The following PRR27 variants were observed in gnomAD, a reference collection of about 807,000 sequenced individuals.
PRR27 encodes proline-rich protein 27.
PRR27 carries 12 observed loss-of-function variants against 16.8 expected under a neutral mutation model. The observed-to-expected ratio is 0.71, with a 90% confidence interval of 0.46 to 1.16. PRR27 has a LOEUF of 1.16. Among genes scored for constraint, PRR27 ranks in the 50% most tolerant of loss-of-function variants. The pLI, the probability that PRR27 is intolerant of heterozygous loss-of-function variation, is 0.00. For missense variants in PRR27, 277 were observed against 273.3 expected (o/e 1.01, Z -0.10); for synonymous variants, 100 against 98.4 (o/e 1.02, Z -0.10).
intron 4 of PRR27, among the ~76,000 whole-genome samples, chr4:70,162,310 G>A (rs1262459656): frequency 6.6e-6 from 1 of 152,192 alleles, no homozygotes; most frequent in African/African-American, 2.4e-5. Flanking sequence ...AGCTAAAGTA[G>A]AATTGAAAAG....
At chr4:70,156,749 C>A (rs146734618) in intron 2 of PRR27, among the ~76,000 whole-genome samples, 7 of 152,194 alleles carry the variant, frequency 4.6e-5, no homozygotes, top group Admixed American at 1.3e-4. Context: ...GCAAAGAAAG[C>A]TCAAGAGACA....
At chr4:70,154,970 C>G (rs1728442516) in intron 1 of PRR27, among the ~76,000 whole-genome samples, 1 of 152,038 alleles carries the variant, frequency 6.6e-6, no homozygotes, top group African/African-American at 2.4e-5. Flanking sequence ...AGTGACTATG[C>G]TAAATATTAT....
chr4:70,154,854 A>C lies in PRR27; in HGVS notation c.51+428A>C, dbSNP rs902476054. On this transcript the variant is annotated intron_variant, in intron 1 of 4. Transcript: ENST00000344526. Reference sequence around the variant, plus strand: ...AGAAGTAAATGCACATCATACCTTTAGTGGACTGTAACGTAATATAGTGTA... The same window carrying C: ...AGAAGTAAATGCACATCATACCTTTCGTGGACTGTAACGTAATATAGTGTA... The C allele has an allele frequency of 6.3e-6, 6 of 945,346 alleles. No homozygotes were observed. The African/African-American group carries it at 1.0e-4, about 16-fold the overall frequency. 58.6% of individuals were successfully genotyped at this position (945,346 alleles called of 1,614,324 possible).
rs1728729100 is a variant in PRR27 at position 70,164,758 on chromosome 4, T to C, written c.*2097T>C. 6.6e-6 allele frequency: 1 copy of C among 152,000 alleles called. No individual in the cohort carries two copies. Among genetic ancestry groups the C allele is most frequent in the Admixed American group, 6.6e-5 (1 of 15,258 alleles). 9.4% of individuals were successfully genotyped at this position (152,000 alleles called of 1,614,324 possible). Reference sequence around the variant, plus strand: ...ACAGAAAGATGAAGATGAACCGAAATAGAAATATCAAGAGGCTACAAAGTC... The same window carrying C: ...ACAGAAAGATGAAGATGAACCGAAACAGAAATATCAAGAGGCTACAAAGTC... On this transcript the variant is annotated 3_prime_UTR_variant, in exon 5 of 5. Coordinates refer to ENST00000344526, the MANE Select transcript of PRR27 (RefSeq NM_214711.4).
In PRR27 at chr4:70,160,443, C is replaced by CTCTCTGTGTGTG. The variant is rs1298386504; in HGVS notation, c.649-1142_649-1141insCTCTGTGTGTGT. Among the ~76,000 whole-genome samples, 270 of 68,690 alleles carry CTCTCTGTGTGTG rather than the reference C, an allele frequency of 3.9e-3. 1 individual carries two copies. The highest frequency in any genetic ancestry group is 0.02 in the East Asian group (36 of 1,802). 45.1% of individuals were successfully genotyped at this position (68,690 alleles called of 152,430 possible). A position where few individuals can be genotyped will look rare whatever the true frequency, so the allele number is the denominator to read the frequency against. ...TCTCTCTCTCTCTCTCTCTCTCTCTCTGTGTGTGTGTGTGTGTGTGTGTGT... is the reference window on the plus strand; with the variant it reads ...TCTCTCTCTCTCTCTCTCTCTCTCTCTCTCTGTGTGTGTGTGTGTGTGTGTGTGTGTGTGTGT... On this transcript the variant is annotated intron_variant, in intron 3 of 4. Coordinates refer to ENST00000344526, the MANE Select transcript of PRR27 (RefSeq NM_214711.4).
At chr4:70,155,450 C>T (rs1435951468) in intron 1 of PRR27, among the ~76,000 whole-genome samples, 1 of 151,760 alleles carries the variant, frequency 6.6e-6, no homozygotes, top group African/African-American at 2.4e-5. Flanking sequence ...CTGCAAGCTC[C>T]GCCTCTCGGG....
At chr4:70,155,520 C>T (rs1415441604) in intron 1 of PRR27, among the ~76,000 whole-genome samples, 1 of 152,114 alleles carries the variant, frequency 6.6e-6, no homozygotes, top group Admixed American at 6.5e-5. Context: ...AGGCGCCCGC[C>T]ACCACGCCCG....
rs1430948137 is a variant in PRR27 at position 70,164,971 on chromosome 4, C to A, written c.*2310C>A. ...CAGTTTTTGCTTTTACTACAAGATA[C>A]TGTGAAATGTTCTGCTCTGTCAGTT... is the stretch of plus-strand genomic sequence containing the variant. On this transcript the variant is annotated 3_prime_UTR_variant, in exon 5 of 5. Transcript: ENST00000344526. The A allele has an allele frequency of 6.6e-6, 1 of 152,082 alleles. No individual in the cohort carries two copies. The highest frequency in any genetic ancestry group is 2.4e-5 in the African/African-American group (1 of 41,436). 9.4% of individuals were successfully genotyped at this position (152,082 alleles called of 1,614,324 possible).
intron 1 of PRR27, among the ~76,000 whole-genome samples, chr4:70,155,512 G>C (rs1175778721): frequency 6.6e-6 from 1 of 152,070 alleles, no homozygotes; most frequent in African/African-American, 2.4e-5. Context: ...GGGACTACAG[G>C]CGCCCGCCAC....
Position 70,158,959 on chromosome 4 carries a change from A to G in PRR27, c.648+59A>G, listed in dbSNP as rs994452954. 1.4e-4 allele frequency: 207 copies of G among 1,441,066 alleles called. 2 individuals carry two copies. The African/African-American group carries it at 2.6e-3, about 18-fold the overall frequency. The allele number at this position is 1,441,066 out of a possible 1,614,324, so 89.3% of individuals were successfully genotyped here. The stretch of plus-strand genomic sequence containing the variant: ...GAGAAATGAGATTTGTAGAAGGGGA[A>G]AAAAAAAAACCACTCCCCAAGCAAA... On this transcript the variant is annotated intron_variant, in intron 3 of 4. Coordinates refer to ENST00000344526, the MANE Select transcript of PRR27 (RefSeq NM_214711.4).
In PRR27 at chr4:70,158,750, T is replaced by G. The variant is rs201990073; in HGVS notation, c.498T>G (p.Ala166=). The G allele has an allele frequency of 3.1e-5, 48 of 1,554,052 alleles. 1 individual carries two copies. The highest frequency in any genetic ancestry group is 3.5e-5 in the Non-Finnish European group (40 of 1,132,066). ...CTGCTGCAGAGGCACCTGTTGGAGC[T>G]GAGCCTGCTGCAGAGGCACCTGTTG... ...AEPAAEAPVG[A]EPAAEAPVAA... The change falls in exon 3 of 5, where the codon GCT becomes GCG. Residue 166 remains alanine, a synonymous_variant. Coordinates refer to ENST00000344526, the MANE Select transcript of PRR27 (RefSeq NM_214711.4).
At chr4:70,157,355 A>C (rs1201930156) in intron 2 of PRR27, among the ~76,000 whole-genome samples, 1 of 151,582 alleles carries the variant, frequency 6.6e-6, no homozygotes, top group Non-Finnish European at 1.5e-5. Context: ...AAATCACAGA[A>C]CTTCCATCAA....
chr4:70,158,285 A>C (rs532134790), intron 2 of PRR27, 43 bp from the exon 3 acceptor site: 3 of 908,834 alleles, frequency 3.3e-6, no homozygotes, highest in Non-Finnish European at 4.9e-6. Context: ...ATATATAGAC[A>C]GGACAAATAC....
chr4:70,162,147 CA>C (rs1442607995), intron 4 of PRR27, among the ~76,000 whole-genome samples: 1 of 152,156 alleles, frequency 6.6e-6, no homozygotes, highest in Non-Finnish European at 1.5e-5. Flanking sequence ...GTCATCTGAT[CA>C]GGGGATAAGC....
Position 70,154,450 on chromosome 4 carries a change from T to C in PRR27, c.51+24T>C, listed in dbSNP as rs201661579. ...AGGTAAGTAAATGGACTTCCAAAATTGTAACAATTGTATAACCATTTGCTA... is the reference window on the plus strand; with the variant it reads ...AGGTAAGTAAATGGACTTCCAAAATCGTAACAATTGTATAACCATTTGCTA... On this transcript the variant is annotated intron_variant, in intron 1 of 4. Transcript: ENST00000344526. The C allele has an allele frequency of 5.1e-4, 791 of 1,560,512 alleles. 1 individual carries two copies. The highest frequency in any genetic ancestry group is 6.8e-4 in the Non-Finnish European group (764 of 1,131,658).
At chr4:70,156,335 T>A in intron 2 of PRR27, among the ~76,000 whole-genome samples, 1 of 152,156 alleles carries the variant, frequency 6.6e-6, no homozygotes, top group African/African-American at 2.4e-5. Context: ...CTTAAGAAAA[T>A]TTTTGCCATG....
rs528295068 is a variant in PRR27 at position 70,162,455 on chromosome 4, T to C, written c.*34-240T>C. Among the ~76,000 whole-genome samples the C allele has an allele frequency of 3.3e-5, 5 of 152,344 alleles. No homozygotes were observed. In the South Asian group the frequency reaches 8.3e-4, roughly 25 times the overall value. ...TTGGTTTTCATTTATTTTACTTTTA[T>C]GTTAAATGAACAATTGGCTAGTGAA... On this transcript the variant is annotated intron_variant, in intron 4 of 4. Coordinates refer to ENST00000344526, the MANE Select transcript of PRR27 (RefSeq NM_214711.4).
In PRR27 at chr4:70,158,895, G is replaced by A; in HGVS notation, c.643G>A (p.Glu215Lys). 6.4e-7 allele frequency: 1 copy of A among 1,556,406 alleles called. No homozygotes were observed. Among genetic ancestry groups the A allele is most frequent in the Non-Finnish European group, 8.7e-7 (1 of 1,145,494 alleles). The change falls in exon 3 of 5, where the codon GAA becomes AAA. Residue 215 changes from glutamate (E) to lysine (K), a missense_variant. Coordinates refer to ENST00000344526, the MANE Select transcript of PRR27 (RefSeq NM_214711.4). ...APEPHPSPSL[E>K]QANQ is the part of the protein sequence containing the mutation. ...AGAACCTCACCCTTCTCCCTCTCTT[G>A]AACAGGTAGGTTGTTTATATCTTAC...
chr4:70,156,860 G>A (rs1003681361), intron 2 of PRR27, among the ~76,000 whole-genome samples: 7 of 115,822 alleles, frequency 6.0e-5, no homozygotes, highest in Middle Eastern at 3.6e-3. Context: ...ATATTATTAG[G>A]TATTATTTTG....
Sources: allele counts gnomAD v4.1 joint callset (sites outside exome capture counted in the v4.1 genomes callset), GRCh38; gene constraint gnomAD v4.1.1; transcripts MANE v1.5; gene names NCBI Gene and HGNC (gene_info 2026-07-23, HGNC 2026-07-21).